The following SLC35F3 variants were observed in gnomAD, a reference collection of about 807,000 sequenced individuals.
The protein encoded by SLC35F3 is solute carrier family 35 member F3.
Under a neutral mutation model 49.9 loss-of-function variants are expected in SLC35F3, and 25 were observed. The observed-to-expected ratio is 0.50, with a 90% CI of 0.37 to 0.70. The LOEUF is 0.70. Ranked by LOEUF, SLC35F3 falls within the 30% of genes least tolerant of loss-of-function variation. The probability of loss-of-function intolerance (pLI) is 0.00; values close to 1 mark genes in which losing one functional copy is unlikely to be tolerated. For synonymous variants in SLC35F3, 275 were observed against 265.4 expected, an observed-to-expected ratio of 1.04 and a Z score of -0.35; for missense variants, 525 against 639.8, an observed-to-expected ratio of 0.82 and a Z score of 1.94.
rs533192579 is a variant in SLC35F3 at position 234,180,962 on chromosome 1, G to A, written c.284-50455G>A. 4.6e-4 allele frequency among the ~76,000 whole-genome samples: 70 copies of A among 152,138 alleles called. No individual in the cohort carries two copies. The South Asian group carries it at 7.9e-3, about 17-fold the overall frequency. On this transcript the variant is annotated intron_variant, in intron 2 of 7. Coordinates refer to ENST00000366618, the MANE Select transcript of SLC35F3 (RefSeq NM_173508.4). ...TCTCATTTCATCTATACCACCATCCGTTCCCTCTTCCCATCAGATTGATTT... is the reference window on the plus strand; with the variant it reads ...TCTCATTTCATCTATACCACCATCCATTCCCTCTTCCCATCAGATTGATTT...
At chr1:234,058,115 T>C (rs1664482035) in intron 2 of SLC35F3, among the ~76,000 whole-genome samples, 1 of 152,132 alleles carries the variant, frequency 6.6e-6, no homozygotes, top group South Asian at 2.1e-4. Context: ...TAAAGTTCAC[T>C]TCTAGCCTTA....
At chr1:234,108,812 A>T (rs1355013554) in intron 2 of SLC35F3, among the ~76,000 whole-genome samples, 1 of 135,256 alleles carries the variant, frequency 7.4e-6, no homozygotes, top group East Asian at 2.1e-4. Flanking sequence ...TATATATATA[A>T]AAGATATATA....
intron 4 of SLC35F3, among the ~76,000 whole-genome samples, chr1:234,313,641 C>T (rs1483826554): frequency 6.6e-6 from 1 of 152,068 alleles, no homozygotes; most frequent in Non-Finnish European, 1.5e-5. Flanking sequence ...GAAGGAGAGG[C>T]ATGGGGAGGT....
At chr1:234,053,537 C>T (rs11803044) in intron 2 of SLC35F3, among the ~76,000 whole-genome samples, 48,899 of 151,994 alleles carry the variant, frequency 0.32, 9,539 homozygotes, top group Non-Finnish European at 0.45. Flanking sequence ...ATGTGTGTCT[C>T]TGCATGTGAG....
intron 2 of SLC35F3, among the ~76,000 whole-genome samples, chr1:233,922,520 T>A (rs1235153607): frequency 6.7e-6 from 1 of 150,062 alleles, no homozygotes; most frequent in Non-Finnish European, 1.5e-5. Flanking sequence ...TAAATTTGTT[T>A]AAGTCCTTTG....
At chr1:234,111,594 T>C (rs36093737) in intron 2 of SLC35F3, among the ~76,000 whole-genome samples, 21,172 of 152,162 alleles carry the variant, frequency 0.14, 3,215 homozygotes, top group East Asian at 0.81. Context: ...CGCCCGGTTG[T>C]CCTCTGTGCT....
intron 2 of SLC35F3, among the ~76,000 whole-genome samples, chr1:234,176,702 G>A (rs1193423036): frequency 6.6e-6 from 1 of 152,054 alleles, no homozygotes; most frequent in South Asian, 2.1e-4. Flanking sequence ...GCTCCATCTG[G>A]GTGGTCATAA....
chr1:233,916,361 G>A (rs1433549758), intron 2 of SLC35F3, among the ~76,000 whole-genome samples: 1 of 152,116 alleles, frequency 6.6e-6, no homozygotes, highest in African/African-American at 2.4e-5. Context: ...TCTAACTCCT[G>A]GGCTCAAGCA....
intron 3 of SLC35F3, among the ~76,000 whole-genome samples, chr1:234,287,807 G>T (rs1668446284): frequency 6.6e-6 from 1 of 152,190 alleles, no homozygotes; most frequent in African/African-American, 2.4e-5. Context: ...CATTCACTTT[G>T]TCTGTAAGCT....
intron 2 of SLC35F3, among the ~76,000 whole-genome samples, chr1:234,145,348 T>C (rs1665980961): frequency 6.6e-6 from 1 of 152,204 alleles, no homozygotes; most frequent in Non-Finnish European, 1.5e-5. Flanking sequence ...TAACTAGTCA[T>C]CCAACACAGT....
intron 2 of SLC35F3, among the ~76,000 whole-genome samples, chr1:234,145,967 G>A (rs776819598): frequency 6.1e-4 from 93 of 151,800 alleles, no homozygotes; most frequent in Non-Finnish European, 1.1e-3. Flanking sequence ...ATTTGCATGC[G>A]GAATCTTTTT....
At chr1:234,195,930 C>T (rs1666803376) in intron 2 of SLC35F3, among the ~76,000 whole-genome samples, 1 of 152,192 alleles carries the variant, frequency 6.6e-6, no homozygotes, top group Admixed American at 6.5e-5. Flanking sequence ...TGCCTTTCGC[C>T]TTCCACCGTG....
intron 2 of SLC35F3, among the ~76,000 whole-genome samples, chr1:234,141,101 G>A (rs534967025): frequency 1.3e-4 from 20 of 152,284 alleles, no homozygotes; most frequent in African/African-American, 4.6e-4. Flanking sequence ...CTGAGGATGG[G>A]CCCTGCAGAA....
At chr1:234,080,543 C>A (rs1261966947) in intron 2 of SLC35F3, among the ~76,000 whole-genome samples, 1 of 152,032 alleles carries the variant, frequency 6.6e-6, no homozygotes, top group Non-Finnish European at 1.5e-5. Flanking sequence ...ATTATGCAAC[C>A]ATTAAAAGGA....
chr1:233,930,749 AAATT>A (rs1255946340), intron 2 of SLC35F3, among the ~76,000 whole-genome samples: 2 of 152,238 alleles, frequency 1.3e-5, no homozygotes, highest in African/African-American at 4.8e-5. Context: ...TTCTTACAAT[AAATT>A]AAGCTGTAGA....
chr1:234,103,581 G>A (rs144376244), intron 2 of SLC35F3, among the ~76,000 whole-genome samples: 8 of 152,274 alleles, frequency 5.3e-5, no homozygotes, highest in Admixed American at 2.6e-4. Flanking sequence ...ACATTTTGTC[G>A]GGGGTTGTAT....
chr1:234,289,752 T>C (rs981991921), intron 3 of SLC35F3, among the ~76,000 whole-genome samples: 10 of 152,140 alleles, frequency 6.6e-5, no homozygotes, highest in African/African-American at 2.4e-4. Context: ...CATGAAACTG[T>C]CCCATGGGAA....
chr1:234,151,471 C>T (rs1666074872), intron 2 of SLC35F3, among the ~76,000 whole-genome samples: 1 of 150,552 alleles, frequency 6.6e-6, no homozygotes, highest in African/African-American at 2.4e-5. Context: ...AAAATGTGCC[C>T]ACAAATTGAA....
chr1:234,079,830 C>T (rs1237931004), intron 2 of SLC35F3, among the ~76,000 whole-genome samples: 1 of 152,106 alleles, frequency 6.6e-6, no homozygotes, highest in African/African-American at 2.4e-5. Context: ...TAAAATGATG[C>T]AGCCACTATA....
Sources: gnomAD v4.1 joint callset for allele counts (sites outside exome capture counted in the v4.1 genomes callset) on GRCh38, gnomAD v4.1.1 for gene constraint, MANE v1.5 for transcripts, NCBI Gene and HGNC (gene_info 2026-07-23, HGNC 2026-07-21) for gene names.